SUPT3H: variants seen among roughly 807,000 people sequenced by gnomAD.
SUPT3H encodes the protein transcription initiation protein SPT3 homolog.
SUPT3H carries 44 observed loss-of-function variants against 44.3 expected under a neutral mutation model. The ratio of observed to expected loss-of-function variants is 0.99; its 90% CI spans 0.78 to 1.28. SUPT3H has a LOEUF of 1.28. SUPT3H is among the 50% of genes most tolerant of loss of function. SUPT3H has a pLI of 0.00. For missense variants in SUPT3H, 380 were observed against 387.1 expected, an observed-to-expected ratio of 0.98 and a Z score of 0.15; for synonymous variants, 124 against 125.6, an observed-to-expected ratio of 0.99 and a Z score of 0.09.
At chr6:45,030,301 T>A (rs6925467) in intron 3 of SUPT3H, among the ~76,000 whole-genome samples, 66,023 of 151,876 alleles carry the variant, frequency 0.43, 14,422 homozygotes, top group Admixed American at 0.46. Context: ...ATATTTTGGT[T>A]GCCTATATAA....
intron 6 of SUPT3H, among the ~76,000 whole-genome samples, chr6:44,985,378 A>G (rs1021387353): frequency 2.0e-5 from 3 of 152,042 alleles, no homozygotes; most frequent in African/African-American, 7.2e-5. Context: ...TGGGTGACAC[A>G]GTGAGACTCT....
At chr6:45,292,000 AGT>A (rs1406735806) in intron 2 of SUPT3H, among the ~76,000 whole-genome samples, 1 of 152,204 alleles carries the variant, frequency 6.6e-6, no homozygotes, top group Non-Finnish European at 1.5e-5. Context: ...GGTTATCTAA[AGT>A]TAAGATGAAG....
intron 3 of SUPT3H, among the ~76,000 whole-genome samples, chr6:45,027,135 G>C (rs1039978977): frequency 6.6e-6 from 1 of 151,824 alleles, no homozygotes. Flanking sequence ...GACTATAGGC[G>C]TGCATCATCA....
At chr6:44,995,825 A>G (rs1582959664) in intron 6 of SUPT3H, among the ~76,000 whole-genome samples, 1 of 151,936 alleles carries the variant, frequency 6.6e-6, no homozygotes, top group East Asian at 1.9e-4. Context: ...GAGAAACATA[A>G]CAGAGATGGT....
intron 3 of SUPT3H, among the ~76,000 whole-genome samples, chr6:45,057,522 A>C (rs1408933011): frequency 6.6e-6 from 1 of 152,116 alleles, no homozygotes; most frequent in Admixed American, 6.6e-5. Flanking sequence ...AAAAAAACCT[A>C]ATAGAGCCTG....
chr6:45,198,733 T>TTTTAATTCTATATACAAAG (rs67670387), intron 2 of SUPT3H, among the ~76,000 whole-genome samples: 1 of 150,980 alleles, frequency 6.6e-6, no homozygotes, highest in African/African-American at 2.4e-5. Flanking sequence ...TGCTATATCT[T>TTTTAATTCTATATACAAAG]TCCTTGAGTT....
At chr6:44,929,331 T>C (rs961583851) in intron 10 of SUPT3H, among the ~76,000 whole-genome samples, 1 of 152,212 alleles carries the variant, frequency 6.6e-6, no homozygotes. Flanking sequence ...ATCTGAATTA[T>C]GTTTCCATGT....
At chr6:44,923,875 T>C (rs947725900) in intron 10 of SUPT3H, among the ~76,000 whole-genome samples, 2 of 152,182 alleles carry the variant, frequency 1.3e-5, no homozygotes, top group African/African-American at 4.8e-5. Flanking sequence ...AGAACTCCAG[T>C]TGGCAATGTA....
chr6:44,992,751 G>C (rs1162202300), intron 6 of SUPT3H, among the ~76,000 whole-genome samples: 1 of 152,110 alleles, frequency 6.6e-6, no homozygotes, highest in Non-Finnish European at 1.5e-5. Flanking sequence ...GGACAAATGG[G>C]AATGGTACTA....
At chr6:45,000,088 A>T (rs1781819941) in intron 6 of SUPT3H, among the ~76,000 whole-genome samples, 1 of 149,646 alleles carries the variant, frequency 6.7e-6, no homozygotes, top group East Asian at 1.9e-4. Flanking sequence ...GTATATACAC[A>T]GATATATACA....
At chr6:45,049,427 C>G (rs866653553) in intron 3 of SUPT3H, among the ~76,000 whole-genome samples, 36 of 152,322 alleles carry the variant, frequency 2.4e-4, no homozygotes, top group African/African-American at 8.2e-4. Flanking sequence ...CATGTGACAG[C>G]ATGAGTCACT....
intron 10 of SUPT3H, among the ~76,000 whole-genome samples, chr6:44,923,135 T>C (rs1195016384): frequency 6.6e-6 from 1 of 152,136 alleles, no homozygotes; most frequent in East Asian, 1.9e-4. Flanking sequence ...TCTTCCTCTA[T>C]TCCTCAAGAT....
Position 45,228,593 on chromosome 6 carries a change from G to A in SUPT3H, c.102-122587C>T, listed in dbSNP as rs187141636. Among the ~76,000 whole-genome samples, 303 of 151,540 alleles carry A rather than the reference G, an allele frequency of 2.0e-3. 9 individuals carry two copies. The South Asian group carries it at 0.051, about 25-fold the overall frequency. On this transcript the variant is annotated intron_variant, in intron 2 of 10. Coordinates refer to ENST00000371459, the MANE Select transcript of SUPT3H (RefSeq NM_003599.4). ...TTTCTATGCAAACACCCGCGCGCGC[G>A]CACACACACACACTATTGGTTTTCT...
At chr6:44,872,298 T>G (rs1178152920) in intron 10 of SUPT3H, among the ~76,000 whole-genome samples, 1 of 74,312 alleles carries the variant, frequency 1.3e-5, no homozygotes, top group African/African-American at 5.4e-5. Context: ...ACAGCGGATC[T>G]CTCGGCAGAA....
At chr6:45,172,510 G>A (rs999604215) in intron 2 of SUPT3H, among the ~76,000 whole-genome samples, 1 of 151,730 alleles carries the variant, frequency 6.6e-6, no homozygotes, top group African/African-American at 2.4e-5. Context: ...GAACACAGTT[G>A]ATGATTTATG....
At chr6:45,284,571 A>G (rs1484110443) in intron 2 of SUPT3H, among the ~76,000 whole-genome samples, 2 of 152,202 alleles carry the variant, frequency 1.3e-5, no homozygotes, top group African/African-American at 4.8e-5. Flanking sequence ...GAATAGACCA[A>G]TAACAGGCTC....
chr6:45,302,850 A>G (rs894495776), intron 2 of SUPT3H, among the ~76,000 whole-genome samples: 2 of 152,146 alleles, frequency 1.3e-5, no homozygotes, highest in African/African-American at 4.8e-5. Context: ...GGCACCATCT[A>G]TTAATTTTTT....
intron 2 of SUPT3H, among the ~76,000 whole-genome samples, chr6:45,343,393 A>G (rs557898056): frequency 6.6e-6 from 1 of 152,258 alleles, no homozygotes; most frequent in South Asian, 2.1e-4. Flanking sequence ...TACTGAGTGA[A>G]GAGCACCTGG....
intron 2 of SUPT3H, among the ~76,000 whole-genome samples, chr6:45,247,935 G>C (rs185463449): frequency 3.9e-5 from 6 of 152,212 alleles, no homozygotes; most frequent in East Asian, 1.9e-4. Context: ...ATAGTCAATT[G>C]ACTGTTCACA....
Sources: allele counts gnomAD v4.1 joint callset (sites outside exome capture counted in the v4.1 genomes callset), GRCh38; gene constraint gnomAD v4.1.1; transcripts MANE v1.5; gene names NCBI Gene and HGNC (gene_info 2026-07-23, HGNC 2026-07-21).